CALD1: variants seen among roughly 807,000 people sequenced by gnomAD.
CALD1 encodes the protein caldesmon.
In CALD1, 33 loss-of-function variants were observed where a neutral mutation model predicts 99.9. That is an observed-to-expected ratio of 0.33 (90% CI 0.25 to 0.44). The LOEUF is 0.44. Among genes scored for constraint, CALD1 ranks in the 20% least tolerant of loss-of-function variants. The pLI, the probability that CALD1 is intolerant of heterozygous loss-of-function variation, is 1.00. For missense variants in CALD1, 861 were observed against 962.1 expected, an observed-to-expected ratio of 0.89 and a Z score of 1.39; for synonymous variants, 310 against 325.0, an observed-to-expected ratio of 0.95 and a Z score of 0.50.
intron 6 of CALD1, among the ~76,000 whole-genome samples, chr7:134,938,355 G>A (rs192847404): frequency 6.6e-6 from 1 of 152,166 alleles, no homozygotes; most frequent in African/African-American, 2.4e-5. Context: ...ACAAGGGCCT[G>A]TCATTTGAAT....
At chr7:134,880,122 G>T (rs1163197609) in intron 3 of CALD1, among the ~76,000 whole-genome samples, 1 of 152,098 alleles carries the variant, frequency 6.6e-6, no homozygotes, top group African/African-American at 2.4e-5. Flanking sequence ...CTCAACTGAC[G>T]GTTTCCAGCA....
intron 1 of CALD1, among the ~76,000 whole-genome samples, chr7:134,767,046 G>A (rs1796832465): frequency 6.6e-6 from 1 of 152,274 alleles, no homozygotes; most frequent in African/African-American, 2.4e-5. Flanking sequence ...CAGAGAGGAG[G>A]GACCAACAGA....
At position 134,969,698 on chromosome 7, in the gene CALD1, A is replaced by G. The variant is rs1808916562; in HGVS notation, c.*1353A>G. ...GTGGTGAAATTTCAAAATTATATGT[A>G]ACTTCTACTAGTTTTACTTTCTCCC... On this transcript the variant is annotated 3_prime_UTR_variant, in exon 15 of 15. Transcript: ENST00000361675. 1 of 152,206 alleles carries G rather than the reference A, an allele frequency of 6.6e-6. No homozygotes were observed. The highest frequency in any genetic ancestry group is 2.4e-5 in the African/African-American group (1 of 41,446). The allele number at this position is 152,206 out of a possible 1,614,324, so 9.4% of individuals were successfully genotyped here.
intron 6 of CALD1, among the ~76,000 whole-genome samples, chr7:134,936,011 T>C (rs1021600281): frequency 2.0e-5 from 3 of 152,236 alleles, no homozygotes; most frequent in African/African-American, 4.8e-5. Flanking sequence ...GTAGTAAGTA[T>C]TGCATTGTCA....
At chr7:134,733,687 T>C in the CALD1 span, among the ~76,000 whole-genome samples, 379 of 151,978 alleles carry the variant, frequency 2.5e-3, 3 homozygotes, top group African/African-American at 8.4e-3. Flanking sequence ...TGGGCACCTG[T>C]AGTCCCAGCT....
At chr7:134,813,820 AT>A (rs1408082719) in intron 1 of CALD1, among the ~76,000 whole-genome samples, 3 of 152,150 alleles carry the variant, frequency 2.0e-5, no homozygotes, top group African/African-American at 7.2e-5. Flanking sequence ...CTCCAGCTGG[AT>A]TTAGCTTCCT....
intron 3 of CALD1, among the ~76,000 whole-genome samples, chr7:134,893,317 T>A (rs1455875635): frequency 6.6e-6 from 1 of 152,132 alleles, no homozygotes; most frequent in East Asian, 1.9e-4. Context: ...AAGTCCATTC[T>A]CCTTACTACA....
chr7:134,711,680 A>ATATATATATATATG, the CALD1 span, among the ~76,000 whole-genome samples: 4 of 109,586 alleles, frequency 3.7e-5, no homozygotes, highest in African/African-American at 1.2e-4. Flanking sequence ...ATATATATAT[A>ATATATATATATATG]TGTGTGTGTG....
intron 3 of CALD1, among the ~76,000 whole-genome samples, chr7:134,919,023 A>T (rs1278591507): frequency 2.0e-5 from 3 of 152,206 alleles, no homozygotes; most frequent in Non-Finnish European, 2.9e-5. Context: ...TAATAATAGT[A>T]ATAAAACAAA....
chr7:134,801,835 T>G (rs1231055068), intron 1 of CALD1, among the ~76,000 whole-genome samples: 4 of 152,112 alleles, frequency 2.6e-5, no homozygotes, highest in African/African-American at 4.8e-5. Flanking sequence ...GCCAGGCTGG[T>G]CTCAAACTCC....
At chr7:134,930,487 G>C (rs777063161) in intron 4 of CALD1, among the ~76,000 whole-genome samples, 2 of 152,166 alleles carry the variant, frequency 1.3e-5, no homozygotes, top group Admixed American at 6.5e-5. Context: ...TAAAGGGAAT[G>C]GGTCCTGGCC....
chr7:134,717,624 C>A, the CALD1 span, among the ~76,000 whole-genome samples: 1 of 152,240 alleles, frequency 6.6e-6, no homozygotes, highest in Non-Finnish European at 1.5e-5. Flanking sequence ...ATTCGCCCGC[C>A]TCCCTGTGCT....
intron 6 of CALD1, among the ~76,000 whole-genome samples, chr7:134,939,127 G>A (rs1468138616): frequency 1.3e-5 from 2 of 152,148 alleles, no homozygotes; most frequent in East Asian, 1.9e-4. Flanking sequence ...AACAACAATA[G>A]GCCAAAATGA....
intron 3 of CALD1, among the ~76,000 whole-genome samples, chr7:134,916,326 G>A (rs1804198880): frequency 6.6e-6 from 1 of 152,190 alleles, no homozygotes; most frequent in African/African-American, 2.4e-5. Flanking sequence ...GAAGAGATGA[G>A]GGGTACAAGA....
At chr7:134,795,871 C>T (rs1170817975) in intron 1 of CALD1, among the ~76,000 whole-genome samples, 6 of 152,304 alleles carry the variant, frequency 3.9e-5, no homozygotes, top group African/African-American at 9.6e-5. Flanking sequence ...GAGCTCCCTA[C>T]GACCCTAAGA....
chr7:134,789,778 A>G (rs1465229331), intron 1 of CALD1, among the ~76,000 whole-genome samples: 1 of 152,122 alleles, frequency 6.6e-6, no homozygotes, highest in Non-Finnish European at 1.5e-5. Flanking sequence ...TACAAGTTCT[A>G]GGAAGTCCTA....
chr7:134,734,607 T>G, the CALD1 span, among the ~76,000 whole-genome samples: 1 of 152,138 alleles, frequency 6.6e-6, no homozygotes, highest in South Asian at 2.1e-4. Context: ...TGGGAGGTAA[T>G]TGAATCATGG....
chr7:134,711,658 C>CTATATATATATA, the CALD1 span, among the ~76,000 whole-genome samples: 1 of 66,944 alleles, frequency 1.5e-5, no homozygotes, highest in African/African-American at 6.8e-5. Context: ...CTCTCTCTCT[C>CTATATATATATA]TCTATATATA....
Position 134,756,356 on chromosome 7 carries a change from C to T in CALD1, c.-130+11993C>T, listed in dbSNP as rs1201194937. ...ATTAAATACTATCTCTATCATATGG[C>T]ATTTTTTTCCTATATTTGTAGGTCC... On this transcript the variant is annotated intron_variant, in intron 1 of 13. Transcript: ENST00000417172. Among the ~76,000 whole-genome samples, 32 of 65,660 alleles carry T rather than the reference C, an allele frequency of 4.9e-4. No homozygotes were observed. In the East Asian group the frequency reaches 0.24, roughly 486 times the overall value. 43.1% of individuals were successfully genotyped at this position (65,660 alleles called of 152,430 possible).
Sources: gnomAD v4.1 joint callset for allele counts (sites outside exome capture counted in the v4.1 genomes callset) on GRCh38, gnomAD v4.1.1 for gene constraint, MANE v1.5 for transcripts, NCBI Gene and HGNC (gene_info 2026-07-23, HGNC 2026-07-21) for gene names.